The following ELMO1 variants were observed in gnomAD, a reference collection of about 807,000 sequenced individuals.
The protein encoded by ELMO1 is engulfment and cell motility protein 1.
A neutral mutation model predicts 98.9 loss-of-function variants in ELMO1; 26 were observed. The observed-to-expected ratio is 0.26, with a 90% confidence interval of 0.19 to 0.36. The LOEUF is 0.36. Ranked by LOEUF, ELMO1 falls within the 10% of genes least tolerant of loss-of-function variation. ELMO1 has a pLI of 1.00. For synonymous variants in ELMO1, 346 were observed against 346.0 expected (o/e 1.00, Z 0.00); for missense variants, 627 against 935.2 (o/e 0.67, Z 4.30).
intron 13 of ELMO1, among the ~76,000 whole-genome samples, chr7:37,161,952 T>C (rs1232021470): frequency 9.7e-5 from 6 of 61,900 alleles, no homozygotes; most frequent in African/African-American, 2.8e-4. Flanking sequence ...CGTGATGTAA[T>C]CTTCCACATC....
At chr7:37,187,471 C>G (rs963088925) in intron 13 of ELMO1, among the ~76,000 whole-genome samples, 1 of 152,128 alleles carries the variant, frequency 6.6e-6, no homozygotes, top group African/African-American at 2.4e-5. Context: ...ATCAATAAAA[C>G]TGTTAAAATA....
chr7:36,959,027 C>A (rs543379413), intron 16 of ELMO1, among the ~76,000 whole-genome samples: 52 of 152,240 alleles, frequency 3.4e-4, no homozygotes, highest in Middle Eastern at 6.8e-3. Context: ...CACTTGCTTG[C>A]CTGAATCTAC....
At chr7:37,081,888 T>C (rs1797884572) in intron 15 of ELMO1, among the ~76,000 whole-genome samples, 1 of 152,204 alleles carries the variant, frequency 6.6e-6, no homozygotes, top group Admixed American at 6.5e-5. Flanking sequence ...CTTCTGATGA[T>C]GGTAATGACA....
chr7:36,898,336 C>CA (rs1205649243), intron 16 of ELMO1, among the ~76,000 whole-genome samples: 1 of 152,208 alleles, frequency 6.6e-6, no homozygotes, highest in African/African-American at 2.4e-5. Flanking sequence ...GAATTAAACA[C>CA]AGACATCAAA....
At chr7:37,176,853 A>C (rs1342017866) in intron 13 of ELMO1, among the ~76,000 whole-genome samples, 1 of 152,266 alleles carries the variant, frequency 6.6e-6, no homozygotes, top group Non-Finnish European at 1.5e-5. Context: ...GGAAAAGGAA[A>C]ACACAGTTAT....
intron 16 of ELMO1, among the ~76,000 whole-genome samples, chr7:36,934,262 G>T (rs577188413): frequency 6.6e-6 from 1 of 152,228 alleles, no homozygotes; most frequent in African/African-American, 2.4e-5. Flanking sequence ...GACAATGAGA[G>T]AGGCTGCTGC....
intron 19 of ELMO1, among the ~76,000 whole-genome samples, chr7:36,873,686 A>G (rs964279519): frequency 6.6e-6 from 1 of 152,250 alleles, no homozygotes; most frequent in Admixed American, 6.5e-5. Context: ...TCCCTTTGTA[A>G]GGGGCCAGCC....
intron 16 of ELMO1, among the ~76,000 whole-genome samples, chr7:36,993,730 T>C (rs1223064064): frequency 6.6e-6 from 1 of 152,158 alleles, no homozygotes; most frequent in African/African-American, 2.4e-5. Context: ...ATATTAAAAA[T>C]AAAAATTGGC....
intron 20 of ELMO1, among the ~76,000 whole-genome samples, chr7:36,865,100 A>C (rs1802929882): frequency 6.6e-6 from 1 of 152,200 alleles, no homozygotes; most frequent in African/African-American, 2.4e-5. Flanking sequence ...ACTGATAACA[A>C]GAGTAGAGTT....
At position 37,067,927 on chromosome 7, in the gene ELMO1, A is replaced by T. The variant is rs193169307; in HGVS notation, c.1300+28692T>A. The stretch of plus-strand genomic sequence containing the variant: ...AGGCGAGCTATTCTCACTCATAAAT[A>T]AAACAGTTCGAACTCTGCTTGGGGT... On this transcript the variant is annotated intron_variant, in intron 15 of 21. Transcript: ENST00000310758. Among the ~76,000 whole-genome samples, 280 of 152,328 alleles carry T rather than the reference A, an allele frequency of 1.8e-3. 1 individual carries two copies. The highest frequency in any genetic ancestry group is 5.2e-3 in the African/African-American group (215 of 41,580).
intron 16 of ELMO1, among the ~76,000 whole-genome samples, chr7:36,950,144 A>G (rs1584420936): frequency 6.6e-6 from 1 of 151,934 alleles, no homozygotes; most frequent in Non-Finnish European, 1.5e-5. Context: ...AACAAGAAAC[A>G]ATGTACTATG....
chr7:37,179,774 G>T (rs1346108451), intron 13 of ELMO1, among the ~76,000 whole-genome samples: 1 of 152,090 alleles, frequency 6.6e-6, no homozygotes. Flanking sequence ...GTACACAAAA[G>T]AAATCAGCAA....
At chr7:36,883,730 AG>A (rs1307160372) in intron 18 of ELMO1, among the ~76,000 whole-genome samples, 2 of 152,154 alleles carry the variant, frequency 1.3e-5, no homozygotes, top group Non-Finnish European at 2.9e-5. Flanking sequence ...CTTCCTGTAC[AG>A]CCTACAGAAC....
intron 3 of ELMO1, 28 bp downstream of exon 3, chr7:37,315,892 C>T: frequency 6.4e-7 from 1 of 1,571,112 alleles, no homozygotes; most frequent in Admixed American, 1.9e-5. Flanking sequence ...AACTAGAATG[C>T]CTTAGATAAA....
intron 16 of ELMO1, among the ~76,000 whole-genome samples, chr7:36,994,324 A>G (rs773322428): frequency 5.9e-5 from 9 of 152,118 alleles, no homozygotes; most frequent in Non-Finnish European, 1.3e-4. Flanking sequence ...CATTCTTTCC[A>G]TACAATATAT....
chr7:37,070,012 G>C (rs1301346050), intron 15 of ELMO1, among the ~76,000 whole-genome samples: 11 of 152,138 alleles, frequency 7.2e-5, no homozygotes. Context: ...GGGTGACGAG[G>C]GGAGAAAACA....
chr7:36,864,113 T>C (rs1194478322), intron 20 of ELMO1, among the ~76,000 whole-genome samples: 1 of 152,206 alleles, frequency 6.6e-6, no homozygotes, highest in Non-Finnish European at 1.5e-5. Flanking sequence ...AGTGCCTGAC[T>C]GCTCAGGGAA....
intron 1 of ELMO1, among the ~76,000 whole-genome samples, chr7:37,385,744 G>A (rs867455350): frequency 1.3e-5 from 2 of 152,232 alleles, no homozygotes; most frequent in Admixed American, 6.5e-5. Flanking sequence ...ACAGCTGAGC[G>A]AGCGCTAGCT....
intron 5 of ELMO1, among the ~76,000 whole-genome samples, chr7:37,261,705 C>G (rs751439617): frequency 1.3e-5 from 2 of 152,064 alleles, no homozygotes; most frequent in Non-Finnish European, 2.9e-5. Context: ...CAGATTCAAG[C>G]GATTCTCCTG....
Sources: allele counts gnomAD v4.1 joint callset (sites outside exome capture counted in the v4.1 genomes callset), GRCh38; gene constraint gnomAD v4.1.1; transcripts MANE v1.5; gene names NCBI Gene and HGNC (gene_info 2026-07-23, HGNC 2026-07-21).